MMP16: variants seen among roughly 807,000 people sequenced by gnomAD.
The protein encoded by MMP16 is matrix metalloproteinase-16.
MMP16 carries 12 observed loss-of-function variants against 67.8 expected under a neutral mutation model. The observed-to-expected ratio is 0.18, with a 90% confidence interval of 0.11 to 0.29. The LOEUF is 0.29. MMP16 is among the 10% of genes least tolerant of loss of function. MMP16 has a pLI of 1.00. For missense variants in MMP16, 475 were observed against 765.7 expected (o/e 0.62, Z 4.48); for synonymous variants, 249 against 255.9 (o/e 0.97, Z 0.26).
chr8:88,144,403 T>A (rs186674504), intron 4 of MMP16, among the ~76,000 whole-genome samples: 9 of 151,994 alleles, frequency 5.9e-5, no homozygotes, highest in African/African-American at 2.2e-4. Flanking sequence ...AAATTTTTGT[T>A]TAATTTATAC....
chr8:88,231,863 C>A (rs1268370617), intron 1 of MMP16, among the ~76,000 whole-genome samples: 1 of 151,362 alleles, frequency 6.6e-6, no homozygotes, highest in African/African-American at 2.4e-5. Flanking sequence ...ATATGATAAA[C>A]AAATATATGT....
At chr8:88,074,489 T>C in intron 7 of MMP16, 116 bp downstream of exon 7, 1 of 859,658 alleles carries the variant, frequency 1.2e-6, no homozygotes, top group Non-Finnish European at 1.6e-6. Flanking sequence ...TTAACATAGT[T>C]TATTTCATTA....
intron 6 of MMP16, among the ~76,000 whole-genome samples, chr8:88,091,493 G>A (rs1276054445): frequency 1.3e-5 from 2 of 151,626 alleles, no homozygotes; most frequent in Non-Finnish European, 3.0e-5. Flanking sequence ...ACAGAGGAAG[G>A]AACAGTATTT....
rs1297997902 is a variant in MMP16, at chr8:88,034,781, TAGAC to T, written c.*6676_*6679del. 3 of 152,138 alleles carry T rather than the reference TAGAC, an allele frequency of 2.0e-5. No homozygotes were observed. Among genetic ancestry groups the T allele is most frequent in the Admixed American group, 6.6e-5 (1 of 15,240 alleles). 9.4% of individuals were successfully genotyped at this position (152,138 alleles called of 1,614,324 possible). A position where few individuals can be genotyped will look rare whatever the true frequency, so the allele number is the denominator to read the frequency against. ...ACATGCATCCTAGTGACTTTTCAAA[TAGAC>T]AGCTCACACCAGGCTTCATTCAACC... On this transcript the variant is annotated 3_prime_UTR_variant, in exon 10 of 10. Transcript: ENST00000286614.
At chr8:88,290,442 A>G (rs999643978) in intron 1 of MMP16, among the ~76,000 whole-genome samples, 3 of 152,114 alleles carry the variant, frequency 2.0e-5, no homozygotes, top group Non-Finnish European at 4.4e-5. Flanking sequence ...ACTTACAGCT[A>G]TTCAGGAGGC....
intron 3 of MMP16, among the ~76,000 whole-genome samples, chr8:88,179,457 G>A (rs556870545): frequency 1.9e-4 from 28 of 151,058 alleles, no homozygotes; most frequent in African/African-American, 6.8e-4. Flanking sequence ...AAAAAAGTAA[G>A]AGAAGTTCTT....
In MMP16 at chr8:88,041,336, A is replaced by G; in HGVS notation, c.*125T>C. Reference sequence around the variant, plus strand: ...GGACCAGCAACCCTCTGGGTTTGAAAGGTCAGCCCCGAATCAGGCTGCCAC... The same window carrying G: ...GGACCAGCAACCCTCTGGGTTTGAAGGGTCAGCCCCGAATCAGGCTGCCAC... On this transcript the variant is annotated 3_prime_UTR_variant, in exon 10 of 10. Transcript: ENST00000286614. The surrounding 1 kb of genome is among the most constrained non-coding windows in gnomAD (Gnocchi z 6.0). 2.1e-6 allele frequency: 2 copies of G among 940,316 alleles called. No homozygotes were observed. The highest frequency in any genetic ancestry group is 3.3e-6 in the Non-Finnish European group (2 of 614,934). The allele number at this position is 940,316 out of a possible 1,614,324, so 58.2% of individuals were successfully genotyped here.
intron 1 of MMP16, among the ~76,000 whole-genome samples, chr8:88,324,399 A>G (rs1811506975): frequency 6.6e-6 from 1 of 152,150 alleles, no homozygotes; most frequent in Non-Finnish European, 1.5e-5. Context: ...CCTGGGAAAA[A>G]TATACAGTCT....
chr8:88,312,832 G>C (rs1644932624), intron 1 of MMP16, among the ~76,000 whole-genome samples: 1 of 152,104 alleles, frequency 6.6e-6, no homozygotes, highest in Non-Finnish European at 1.5e-5. Context: ...GCTGGGTGTG[G>C]TGGTGCATGC....
chr8:88,032,761 A>T lies in MMP16; in HGVS notation c.*8700T>A, dbSNP rs1335376044. On this transcript the variant is annotated 3_prime_UTR_variant, in exon 10 of 10. Transcript: ENST00000286614. ...TAAGTGTATAGAATCCTGTGTGGGA[A>T]AAACATCACTACAACTTGCACACCT... The T allele has an allele frequency of 1.3e-5, 2 of 152,148 alleles. No homozygotes were observed. The highest frequency in any genetic ancestry group is 2.9e-5 in the Non-Finnish European group (2 of 68,004). 9.4% of individuals were successfully genotyped at this position (152,148 alleles called of 1,614,324 possible).
chr8:88,186,685 T>C (rs1809080426), intron 2 of MMP16, 87 bp from the exon 3 acceptor site: 1 of 1,501,774 alleles, frequency 6.7e-7, no homozygotes, highest in Non-Finnish European at 8.9e-7. Flanking sequence ...AGAAAATCAA[T>C]TAAGAGGTTA....
At chr8:88,224,040 A>C (rs1563566991) in intron 1 of MMP16, among the ~76,000 whole-genome samples, 1 of 152,016 alleles carries the variant, frequency 6.6e-6, no homozygotes, top group Non-Finnish European at 1.5e-5. Flanking sequence ...GATAATGGAC[A>C]AGAACATTAA....
At chr8:88,245,143 G>A (rs760283949) in intron 1 of MMP16, among the ~76,000 whole-genome samples, 1 of 152,062 alleles carries the variant, frequency 6.6e-6, no homozygotes, top group Non-Finnish European at 1.5e-5. Context: ...TTCTAACTAT[G>A]GCTAAAAGGT....
At chr8:88,285,296 C>T (rs920198179) in intron 1 of MMP16, among the ~76,000 whole-genome samples, 9 of 151,968 alleles carry the variant, frequency 5.9e-5, no homozygotes, top group Non-Finnish European at 1.2e-4. Context: ...CCTGCCACCA[C>T]GCCCAGCTAA....
intron 2 of MMP16, among the ~76,000 whole-genome samples, chr8:88,188,593 T>C (rs2129759539): frequency 6.6e-6 from 1 of 152,266 alleles, no homozygotes; most frequent in South Asian, 2.1e-4. Flanking sequence ...AGTAATGTCA[T>C]GCTTTTGTTG....
At chr8:88,131,140 C>A (rs1218755405) in intron 4 of MMP16, among the ~76,000 whole-genome samples, 1 of 151,578 alleles carries the variant, frequency 6.6e-6, no homozygotes, top group Non-Finnish European at 1.5e-5. Flanking sequence ...CCAGATAGCG[C>A]TTTTAGAAAT....
chr8:88,236,311 A>C (rs538094923), intron 1 of MMP16, among the ~76,000 whole-genome samples: 1 of 152,366 alleles, frequency 6.6e-6, no homozygotes, highest in South Asian at 2.1e-4. Flanking sequence ...ATACTCCCTT[A>C]GGTTTCTGTG....
At chr8:88,130,309 T>G (rs1808006662) in intron 4 of MMP16, among the ~76,000 whole-genome samples, 2 of 151,890 alleles carry the variant, frequency 1.3e-5, no homozygotes, top group Middle Eastern at 6.8e-3. Context: ...ATCAGATGAT[T>G]CATGCATGGC....
At chr8:88,285,470 A>G (rs1810815090) in intron 1 of MMP16, among the ~76,000 whole-genome samples, 1 of 152,020 alleles carries the variant, frequency 6.6e-6, no homozygotes, top group South Asian at 2.1e-4. Flanking sequence ...CTTTCCCACC[A>G]TTTTATCTTT....
Sources: gnomAD v4.1 joint callset for allele counts (sites outside exome capture counted in the v4.1 genomes callset) on GRCh38, gnomAD v4.1.1 for gene constraint, Gnocchi (gnomAD v3.1) non-coding constraint, MANE v1.5 for transcripts, NCBI Gene and HGNC (gene_info 2026-07-23, HGNC 2026-07-21) for gene names.